The following PDK1 variants were observed in gnomAD, a reference collection of about 807,000 sequenced individuals.
The protein encoded by PDK1 is pyruvate dehydrogenase kinase 1, also known as [Pyruvate dehydrogenase (acetyl-transferring)] kinase isozyme 1, mitochondrial.
A neutral mutation model predicts 54.2 loss-of-function variants in PDK1; 39 were observed. The ratio of observed to expected loss-of-function variants is 0.72; its 90% CI spans 0.56 to 0.94. PDK1 has a LOEUF of 0.94. Among genes scored for constraint, PDK1 ranks in the 40% least tolerant of loss-of-function variants. PDK1 has a pLI of 0.00. For synonymous variants in PDK1, 221 were observed against 207.1 expected (o/e 1.07, Z -0.58); for missense variants, 552 against 566.0 (o/e 0.98, Z 0.25).
chr2:172,557,518 A>G (rs978894456), intron 1 of PDK1, among the ~76,000 whole-genome samples: 1 of 152,112 alleles, frequency 6.6e-6, no homozygotes, highest in East Asian at 1.9e-4. Context: ...TAACCAGACA[A>G]TTGAATAGGA....
At chr2:172,590,777 A>ATTTTACAGAGTGCTGATTGATGCAT (rs1558955069) in intron 9 of PDK1, among the ~76,000 whole-genome samples, 5 of 141,158 alleles carry the variant, frequency 3.5e-5, no homozygotes, top group African/African-American at 1.4e-4. Flanking sequence ...TGATTGGTCC[A>ATTTTACAGAGTGCTGATTGATGCAT]TTTTACAGAG....
At chr2:172,591,653 G>T (rs1447654442) in intron 9 of PDK1, among the ~76,000 whole-genome samples, 1 of 152,132 alleles carries the variant, frequency 6.6e-6, no homozygotes, top group African/African-American at 2.4e-5. Flanking sequence ...CTGCGCTGAT[G>T]GACTTGAGCT....
chr2:172,615,891 C>T, the PDK1 span, among the ~76,000 whole-genome samples: 1 of 152,182 alleles, frequency 6.6e-6, no homozygotes, highest in Non-Finnish European at 1.5e-5. Context: ...TCTTACTTTG[C>T]TACATGCTAC....
At position 172,599,988 on chromosome 2, in the gene PDK1, G is replaced by A. The variant is rs1225681006; in HGVS notation, c.*4019G>A. ...CACGTGAGAGTTGTGTTCATTCAAG[G>A]GTTATTTTTTGAGAGTGGAAGTACA... On this transcript the variant is annotated 3_prime_UTR_variant, in exon 11 of 11. Coordinates refer to ENST00000282077, the MANE Select transcript of PDK1 (RefSeq NM_002610.5). The A allele has an allele frequency of 1.3e-5, 2 of 152,098 alleles. No homozygotes were observed. Among genetic ancestry groups the A allele is most frequent in the East Asian group, 3.8e-4 (2 of 5,206 alleles). The allele number at this position is 152,098 out of a possible 1,614,324, so 9.4% of individuals were successfully genotyped here. A position where few individuals can be genotyped will look rare whatever the true frequency, so the allele number is the denominator to read the frequency against.
At chr2:172,584,121 T>A (rs1481093209) in intron 8 of PDK1, among the ~76,000 whole-genome samples, 2 of 152,148 alleles carry the variant, frequency 1.3e-5, no homozygotes, top group Admixed American at 1.3e-4. Context: ...TATCAGAAAG[T>A]TTTCTGGGGT....
the PDK1 span, among the ~76,000 whole-genome samples, chr2:172,651,119 A>C: frequency 1.3e-5 from 2 of 152,194 alleles, no homozygotes; most frequent in Non-Finnish European, 2.9e-5. Context: ...ATTATAACAA[A>C]CTGTCTCTCA....
the PDK1 span, among the ~76,000 whole-genome samples, chr2:172,719,055 A>AG: frequency 6.6e-6 from 1 of 152,296 alleles, no homozygotes; most frequent in East Asian, 1.9e-4. Flanking sequence ...TCTAGAAGGT[A>AG]CTAAAAATTA....
chr2:172,650,637 C>T, the PDK1 span, among the ~76,000 whole-genome samples: 2 of 151,976 alleles, frequency 1.3e-5, no homozygotes, highest in African/African-American at 4.8e-5. Context: ...GGAGGAAGAT[C>T]TACCAAGCAA....
At chr2:172,707,502 G>A in the PDK1 span, among the ~76,000 whole-genome samples, 23 of 152,268 alleles carry the variant, frequency 1.5e-4, no homozygotes, top group African/African-American at 2.9e-4. Flanking sequence ...TTGTCTGCAC[G>A]GGACTCCTTG....
At chr2:172,581,327 G>A (rs1319807552) in intron 8 of PDK1, among the ~76,000 whole-genome samples, 1 of 152,158 alleles carries the variant, frequency 6.6e-6, no homozygotes. Context: ...CTGACCTCAA[G>A]TGATCCGTCT....
At chr2:172,557,649 T>TA (rs1688418290) in intron 1 of PDK1, among the ~76,000 whole-genome samples, 3 of 127,596 alleles carry the variant, frequency 2.4e-5, no homozygotes, top group Non-Finnish European at 5.1e-5. Context: ...GTGTGTGTAT[T>TA]TTTTTTTAAA....
At chr2:172,687,932 C>G in the PDK1 span, among the ~76,000 whole-genome samples, 1 of 152,208 alleles carries the variant, frequency 6.6e-6, no homozygotes, top group East Asian at 1.9e-4. Context: ...TCAGTGGAAG[C>G]CTTACCAAGT....
chr2:172,705,955 T>G, the PDK1 span, among the ~76,000 whole-genome samples: 3 of 152,210 alleles, frequency 2.0e-5, no homozygotes, highest in Admixed American at 1.3e-4. Flanking sequence ...AGGCTGTAGA[T>G]TCTCATGCAG....
the PDK1 span, among the ~76,000 whole-genome samples, chr2:172,700,503 G>C: frequency 6.7e-6 from 1 of 148,908 alleles, no homozygotes; most frequent in African/African-American, 2.5e-5. Context: ...GGGAAGAGGT[G>C]CTCCTCACTT....
At chr2:172,581,025 C>T (rs1689874333) in intron 8 of PDK1, among the ~76,000 whole-genome samples, 1 of 152,142 alleles carries the variant, frequency 6.6e-6, no homozygotes, top group African/African-American at 2.4e-5. Flanking sequence ...AATGGTTGCA[C>T]ATATCGATGA....
At chr2:172,576,524 T>TTCC (rs1404927330) in intron 8 of PDK1, among the ~76,000 whole-genome samples, 1 of 151,928 alleles carries the variant, frequency 6.6e-6, no homozygotes, top group East Asian at 1.9e-4. Context: ...TATAATTTCC[T>TTCC]TCCTTCTGCT....
At chr2:172,562,978 A>AT (rs576914612) in intron 3 of PDK1, among the ~76,000 whole-genome samples, 250 of 152,352 alleles carry the variant, frequency 1.6e-3, no homozygotes, top group African/African-American at 5.7e-3. Context: ...GTAACACTTC[A>AT]TTTTTTTAAA....
chr2:172,601,036 CTGTT>C lies in PDK1; in HGVS notation c.*5072_*5075del, dbSNP rs905791370. On this transcript the variant is annotated 3_prime_UTR_variant, in exon 11 of 11. Transcript: ENST00000282077. ...GTCAAAAAGAGCTATATTTGAGCTGCTGTTTGTTAAAAGAAAAGTTTTCTGCCGG... is the reference window on the plus strand; with the variant it reads ...GTCAAAAAGAGCTATATTTGAGCTGCTGTTAAAAGAAAAGTTTTCTGCCGG... The C allele has an allele frequency of 6.6e-6, 1 of 152,176 alleles. No individual in the cohort carries two copies. The highest frequency in any genetic ancestry group is 1.5e-5 in the Non-Finnish European group (1 of 68,020). 9.4% of individuals were successfully genotyped at this position (152,176 alleles called of 1,614,324 possible).
chr2:172,577,198 T>G (rs1689627224), intron 8 of PDK1, among the ~76,000 whole-genome samples: 1 of 152,226 alleles, frequency 6.6e-6, no homozygotes, highest in Non-Finnish European at 1.5e-5. Context: ...AAAAATGTAC[T>G]ATTTTGTCTC....
Sources: gnomAD v4.1 joint callset for allele counts (sites outside exome capture counted in the v4.1 genomes callset) on GRCh38, gnomAD v4.1.1 for gene constraint, MANE v1.5 for transcripts, NCBI Gene and HGNC (gene_info 2026-07-23, HGNC 2026-07-21) for gene names.